The following RPA3 variants were observed in gnomAD, a reference collection of about 807,000 sequenced individuals.
RPA3 encodes replication protein A 14 kDa subunit.
Under a neutral mutation model 13.7 loss-of-function variants are expected in RPA3, and 24 were observed. The observed-to-expected ratio is 1.75, with a 90% CI of 1.27 to 2.46. RPA3 has a LOEUF of 2.46. RPA3 is among the 30% of genes most tolerant of loss of function. RPA3 has a pLI of 0.00. For missense variants in RPA3, 183 were observed against 151.0 expected (o/e 1.21, Z -1.11); for synonymous variants, 59 against 51.2 (o/e 1.15, Z -0.65).
At chr7:7,698,874 T>TC (rs1780381798) in intron 2 of RPA3, among the ~76,000 whole-genome samples, 1 of 150,786 alleles carries the variant, frequency 6.6e-6, no homozygotes, top group East Asian at 1.9e-4. Flanking sequence ...TCTTGTCTTT[T>TC]TTTTTTTTTT....
intron 4 of RPA3, among the ~76,000 whole-genome samples, chr7:7,656,208 G>C (rs1291552500): frequency 6.6e-6 from 1 of 152,110 alleles, no homozygotes; most frequent in Non-Finnish European, 1.5e-5. Context: ...TAAAAGCTGC[G>C]TGGTTCTGAG....
chr7:7,648,512 T>C (rs1785148552), intron 4 of RPA3, among the ~76,000 whole-genome samples: 1 of 152,322 alleles, frequency 6.6e-6, no homozygotes, highest in East Asian at 1.9e-4. Flanking sequence ...TCTTAGTCTA[T>C]GTAGTGTTGC....
At chr7:7,681,055 TTGA>T (rs1222882840) in intron 4 of RPA3, among the ~76,000 whole-genome samples, 1 of 152,160 alleles carries the variant, frequency 6.6e-6, no homozygotes, top group Admixed American at 6.6e-5. Flanking sequence ...TGTGTGTTTG[TTGA>T]TGTCTAAATG....
At chr7:7,665,265 A>G (rs973436971) in intron 4 of RPA3, among the ~76,000 whole-genome samples, 1 of 152,200 alleles carries the variant, frequency 6.6e-6, no homozygotes, top group East Asian at 1.9e-4. Context: ...TCCTACCTCT[A>G]TTCTGAACAA....
At chr7:7,661,593 A>G (rs1785475589) in intron 4 of RPA3, among the ~76,000 whole-genome samples, 1 of 152,090 alleles carries the variant, frequency 6.6e-6, no homozygotes, top group South Asian at 2.1e-4. Flanking sequence ...AGTTTGCTGG[A>G]GGTCCAGTCG....
chr7:7,711,887 T>C (rs944956910), intron 2 of RPA3, among the ~76,000 whole-genome samples: 4 of 152,202 alleles, frequency 2.6e-5, no homozygotes, highest in Admixed American at 2.0e-4. Flanking sequence ...GAAAGTCATC[T>C]TCCTATAGCA....
chr7:7,645,413 C>T (rs1785070965), intron 4 of RPA3, among the ~76,000 whole-genome samples: 1 of 152,138 alleles, frequency 6.6e-6, no homozygotes, highest in Non-Finnish European at 1.5e-5. Context: ...CAGGTTCTTT[C>T]TGTCTTTCTG....
intron 2 of RPA3, among the ~76,000 whole-genome samples, chr7:7,708,207 C>T (rs1033043829): frequency 4.6e-5 from 7 of 152,132 alleles, no homozygotes; most frequent in Non-Finnish European, 8.8e-5. Flanking sequence ...CCTTAACTGT[C>T]TGTAACTTAA....
chr7:7,648,444 A>G (rs1330028791), intron 4 of RPA3, among the ~76,000 whole-genome samples: 1 of 151,876 alleles, frequency 6.6e-6, no homozygotes, highest in Admixed American at 6.6e-5. Context: ...CTGGCGATTC[A>G]TTTTTTCTCT....
intron 2 of RPA3, among the ~76,000 whole-genome samples, chr7:7,710,124 T>C (rs188339846): frequency 6.6e-6 from 1 of 152,340 alleles, no homozygotes; most frequent in East Asian, 1.9e-4. Context: ...TATGTATCTT[T>C]AGTTCTTTCA....
At chr7:7,665,943 T>C (rs953352656) in intron 4 of RPA3, among the ~76,000 whole-genome samples, 1 of 152,142 alleles carries the variant, frequency 6.6e-6, no homozygotes, top group African/African-American at 2.4e-5. Flanking sequence ...TTATTGGACA[T>C]TTGGGTTGTT....
intron 2 of RPA3, among the ~76,000 whole-genome samples, 174 bp from the exon 3 acceptor site, chr7:7,687,502 G>A (rs1780066891): frequency 6.6e-6 from 1 of 152,154 alleles, no homozygotes; most frequent in South Asian, 2.1e-4. Flanking sequence ...CCCTGCCAGG[G>A]CCACATATAG....
At chr7:7,705,353 T>A (rs1199758467) in intron 2 of RPA3, among the ~76,000 whole-genome samples, 1 of 152,192 alleles carries the variant, frequency 6.6e-6, no homozygotes, top group Non-Finnish European at 1.5e-5. Flanking sequence ...CCACCTACAT[T>A]ATTAGAGTGC....
At chr7:7,666,600 T>C (rs1779464929) in intron 4 of RPA3, among the ~76,000 whole-genome samples, 1 of 152,172 alleles carries the variant, frequency 6.6e-6, no homozygotes, top group African/African-American at 2.4e-5. Flanking sequence ...ACTGATGATA[T>C]GGGTCATTTT....
intron 4 of RPA3, among the ~76,000 whole-genome samples, chr7:7,668,736 A>G (rs370504472): frequency 5.9e-5 from 9 of 152,238 alleles, no homozygotes; most frequent in African/African-American, 1.7e-4. Flanking sequence ...ATTGAAATGA[A>G]TGTTAGTGAT....
In RPA3 at chr7:7,640,316, A is replaced by C; in HGVS notation, c.99+4T>G. 1 of 1,613,810 alleles carries C rather than the reference A, an allele frequency of 6.2e-7. No individual in the cohort carries two copies. On this transcript the variant is annotated splice_donor_region_variant and intron_variant, in intron 5 of 7. Coordinates refer to ENST00000223129, the MANE Select transcript of RPA3 (RefSeq NM_002947.5). ...TGGGAGCCCATGATTGCGAACCCGC[A>C]CACCTTTTCCAGCCTCCCTACGAAG...
intron 2 of RPA3, among the ~76,000 whole-genome samples, chr7:7,706,728 C>T (rs1019959506): frequency 3.3e-5 from 5 of 152,088 alleles, no homozygotes; most frequent in African/African-American, 1.2e-4. Context: ...GACTAACTTG[C>T]GTAAGAGTGC....
At chr7:7,667,105 G>A (rs1779483473) in intron 4 of RPA3, among the ~76,000 whole-genome samples, 2 of 152,178 alleles carry the variant, frequency 1.3e-5, no homozygotes, top group Admixed American at 6.5e-5. Flanking sequence ...CACTGCGCCC[G>A]GCTGACAGGT....
At chr7:7,640,190 C>T (rs772266546) in intron 5 of RPA3, 130 bp downstream of exon 5, 3 of 981,064 alleles carry the variant, frequency 3.1e-6, no homozygotes, top group East Asian at 2.4e-5. Flanking sequence ...CAAAAAGTTC[C>T]TTGTGCAAAA....
Sources: gnomAD v4.1 joint callset for allele counts (sites outside exome capture counted in the v4.1 genomes callset) on GRCh38, gnomAD v4.1.1 for gene constraint, MANE v1.5 for transcripts, NCBI Gene and HGNC (gene_info 2026-07-23, HGNC 2026-07-21) for gene names.